Variants in ADRA1B observed in about 807,000 individuals in gnomAD.
ADRA1B encodes the protein adrenoceptor alpha 1B.
Under a neutral mutation model 17.9 loss-of-function variants are expected in ADRA1B, and 17 were observed. That is an observed-to-expected ratio of 0.95 (90% CI 0.65 to 1.42). The LOEUF is 1.42. Ranked by LOEUF, ADRA1B falls within the 40% of genes most tolerant of loss-of-function variation. The probability of loss-of-function intolerance (pLI) is 0.00; values close to 1 mark genes in which losing one functional copy is unlikely to be tolerated. For missense variants in ADRA1B, 681 were observed against 722.1 expected, an observed-to-expected ratio of 0.94 and a Z score of 0.65; for synonymous variants, 366 against 327.6, an observed-to-expected ratio of 1.12 and a Z score of -1.27.
the ADRA1B span, among the ~76,000 whole-genome samples, chr5:159,984,009 C>T: frequency 1.8e-4 from 28 of 152,160 alleles, no homozygotes; most frequent in African/African-American, 6.7e-4. Flanking sequence ...AAGGCCTCAC[C>T]TTCCTGCACC....
chr5:159,927,547 C>G (rs1262405109), intron 1 of ADRA1B, among the ~76,000 whole-genome samples: 1 of 152,084 alleles, frequency 6.6e-6, no homozygotes, highest in African/African-American at 2.4e-5. Flanking sequence ...TGCGAATGCT[C>G]TGAAGACACA....
intron 1 of ADRA1B, among the ~76,000 whole-genome samples, chr5:159,880,134 C>A (rs1753848437): frequency 6.6e-6 from 1 of 152,182 alleles, no homozygotes. Context: ...TATGAAGGCC[C>A]TTTTTGGGCA....
At chr5:159,938,167 T>C (rs1397451136) in intron 1 of ADRA1B, among the ~76,000 whole-genome samples, 1 of 152,190 alleles carries the variant, frequency 6.6e-6, no homozygotes, top group East Asian at 1.9e-4. Flanking sequence ...AATTAACTCT[T>C]GGTTTTCTTT....
At chr5:159,980,709 A>G in the ADRA1B span, among the ~76,000 whole-genome samples, 1 of 152,146 alleles carries the variant, frequency 6.6e-6, no homozygotes, top group African/African-American at 2.4e-5. Context: ...TGGAATTGAG[A>G]AGTACTGGGC....
chr5:159,887,644 T>G (rs909745985), intron 1 of ADRA1B, among the ~76,000 whole-genome samples: 3 of 152,242 alleles, frequency 2.0e-5, no homozygotes, highest in African/African-American at 7.2e-5. Flanking sequence ...CATATTTGGT[T>G]GGTTTTGGAA....
intron 1 of ADRA1B, among the ~76,000 whole-genome samples, chr5:159,939,084 G>A (rs907350859): frequency 3.9e-5 from 6 of 152,252 alleles, no homozygotes; most frequent in South Asian, 2.1e-4. Flanking sequence ...GAAGCCATGT[G>A]AGAAGCGATT....
chr5:159,919,296 A>G (rs1754412971), intron 1 of ADRA1B, among the ~76,000 whole-genome samples: 1 of 152,148 alleles, frequency 6.6e-6, no homozygotes, highest in Admixed American at 6.5e-5. Context: ...TTTCTTTCCC[A>G]AGGTCTCAGG....
chr5:159,874,842 G>A (rs922437282), intron 1 of ADRA1B, among the ~76,000 whole-genome samples: 2 of 152,140 alleles, frequency 1.3e-5, no homozygotes, highest in Admixed American at 6.5e-5. Flanking sequence ...AGAGGGCCCC[G>A]TTTGAATTTA....
the ADRA1B span, among the ~76,000 whole-genome samples, chr5:159,983,604 C>T: frequency 3.3e-5 from 5 of 152,128 alleles, no homozygotes; most frequent in African/African-American, 7.2e-5. Context: ...GGGTGCCAGC[C>T]GAACCGAAAT....
chr5:159,906,801 T>C (rs1224146193), intron 1 of ADRA1B, among the ~76,000 whole-genome samples: 3 of 152,252 alleles, frequency 2.0e-5, no homozygotes, highest in Non-Finnish European at 2.9e-5. Context: ...ATGATCCATC[T>C]GTTTTAAGGA....
At chr5:159,902,650 T>C (rs1754115613) in intron 1 of ADRA1B, among the ~76,000 whole-genome samples, 1 of 152,174 alleles carries the variant, frequency 6.6e-6, no homozygotes, top group African/African-American at 2.4e-5. Flanking sequence ...CAGTTGATGG[T>C]AGAGTCAGTG....
intron 1 of ADRA1B, among the ~76,000 whole-genome samples, chr5:159,906,104 C>T (rs1754158810): frequency 6.6e-6 from 1 of 152,162 alleles, no homozygotes; most frequent in African/African-American, 2.4e-5. Flanking sequence ...ATCTGCCAGC[C>T]TCAGCCTTAC....
chr5:159,963,796 G>T (rs1189630998), intron 1 of ADRA1B, among the ~76,000 whole-genome samples: 2 of 152,172 alleles, frequency 1.3e-5, no homozygotes, highest in Non-Finnish European at 1.5e-5. Flanking sequence ...TCAGCTTAAG[G>T]ATGACCTGCT....
At chr5:159,936,933 T>C (rs1754970879) in intron 1 of ADRA1B, among the ~76,000 whole-genome samples, 1 of 152,152 alleles carries the variant, frequency 6.6e-6, no homozygotes, top group African/African-American at 2.4e-5. Flanking sequence ...TGAGTGGCCT[T>C]ATCCAGCGGG....
chr5:159,882,534 G>A (rs1288182246), intron 1 of ADRA1B, among the ~76,000 whole-genome samples: 1 of 152,190 alleles, frequency 6.6e-6, no homozygotes, highest in Non-Finnish European at 1.5e-5. Flanking sequence ...TGCTGGCACG[G>A]GTCATATTGA....
intron 1 of ADRA1B, among the ~76,000 whole-genome samples, chr5:159,883,774 T>A (rs1205148976): frequency 6.6e-6 from 1 of 152,240 alleles, no homozygotes; most frequent in African/African-American, 2.4e-5. Flanking sequence ...CAATGAACCA[T>A]AATTCACTTT....
At chr5:159,936,611 A>T (rs1199866695) in intron 1 of ADRA1B, among the ~76,000 whole-genome samples, 1 of 152,198 alleles carries the variant, frequency 6.6e-6, no homozygotes, top group Non-Finnish European at 1.5e-5. Context: ...CGTGAAAAAC[A>T]AATTGTATCA....
downstream of ADRA1B, among the ~76,000 whole-genome samples, chr5:159,975,545 G>A (rs1183625480): frequency 2.6e-5 from 4 of 152,204 alleles, no homozygotes; most frequent in Admixed American, 2.0e-4. Context: ...AAGCCACAAG[G>A]CACCAAAGGC....
rs1353178231 is a variant in ADRA1B, at chr5:159,935,829, G to A, written c.949+17975G>A. 9.2e-5 allele frequency among the ~76,000 whole-genome samples: 14 copies of A among 152,234 alleles called. 1 individual carries two copies. The highest frequency in any genetic ancestry group is 9.2e-4 in the Admixed American group (14 of 15,290). ...CCCACAGTGCTGGGATTACAGGCGTGAGCCACCGCACCTAGCCTCTTCTAT... is the reference window on the plus strand; with the variant it reads ...CCCACAGTGCTGGGATTACAGGCGTAAGCCACCGCACCTAGCCTCTTCTAT... On this transcript the variant is annotated intron_variant, in intron 1 of 1. Transcript: ENST00000306675.
Sources: gnomAD v4.1 joint callset for allele counts (sites outside exome capture counted in the v4.1 genomes callset) on GRCh38, gnomAD v4.1.1 for gene constraint, MANE v1.5 for transcripts, NCBI Gene and HGNC (gene_info 2026-07-23, HGNC 2026-07-21) for gene names.